The following DNM2 variants were observed in gnomAD, a reference collection of about 807,000 sequenced individuals.
The protein encoded by DNM2 is dynamin-2.
DNM2 carries 15 observed loss-of-function variants against 99.0 expected under a neutral mutation model. The ratio of observed to expected loss-of-function variants is 0.15; its 90% CI spans 0.10 to 0.23. DNM2 has a LOEUF of 0.23. Among genes scored for constraint, DNM2 ranks in the 10% least tolerant of loss-of-function variants. The pLI, the probability that DNM2 is intolerant of heterozygous loss-of-function variation, is 1.00. For missense variants in DNM2, 742 were observed against 1,189.4 expected (o/e 0.62, Z 5.53); for synonymous variants, 525 against 481.2 (o/e 1.09, Z -1.19).
chr19:10,718,567 A>G, intron 1 of DNM2, 164 bp downstream of exon 1: 1 of 1,061,204 alleles, frequency 9.4e-7, no homozygotes, highest in Non-Finnish European at 1.2e-6. Flanking sequence ...CGCCCTGGGC[A>G]GAGGACTCCC....
intron 7 of DNM2, among the ~76,000 whole-genome samples, chr19:10,792,287 C>G (rs982973508): frequency 3.9e-5 from 6 of 152,232 alleles, no homozygotes; most frequent in East Asian, 1.9e-4. Context: ...GGCAGCCCAG[C>G]CTTGGTGGCC....
rs191881291 is a variant in DNM2, at chr19:10,814,650, C to G, written c.1671+2273C>G. Among the ~76,000 whole-genome samples, 22 of 152,310 alleles carry G rather than the reference C, an allele frequency of 1.4e-4. No homozygotes were observed. The East Asian group carries it at 4.0e-3, about 28-fold the overall frequency. On this transcript the variant is annotated intron_variant, in intron 15 of 20. Transcript: ENST00000389253. ...AGCCTCTAGTATTTATCCTTCTACT[C>G]TCCACCTCTGTGAGATCCGCTCTTC...
chr19:10,771,037 C>T (rs929286841), intron 2 of DNM2, among the ~76,000 whole-genome samples: 37 of 152,230 alleles, frequency 2.4e-4, no homozygotes, highest in African/African-American at 8.0e-4. Context: ...AAGTGATCCA[C>T]CCTCCTCGGC....
intron 1 of DNM2, among the ~76,000 whole-genome samples, chr19:10,741,390 G>A (rs1287467838): frequency 2.0e-5 from 3 of 150,536 alleles, no homozygotes; most frequent in Non-Finnish European, 3.0e-5. Context: ...TGCCACACCC[G>A]ACTAATTTTT....
chr19:10,779,498 C>CTTTTTTTTT (rs1227116160), intron 5 of DNM2, among the ~76,000 whole-genome samples: 4 of 54,460 alleles, frequency 7.3e-5, no homozygotes, highest in African/African-American at 1.5e-4. Context: ...TTCTTTCTTT[C>CTTTTTTTTT]TTTCTTTTTT....
chr19:10,825,052 T>G lies in DNM2; in HGVS notation c.1894-5T>G. On this transcript the variant is annotated splice_region_variant and splice_polypyrimidine_tract_variant and intron_variant, in intron 17 of 20. Transcript: ENST00000389253. ...ACCCCTCAGCACCTCCCCTCCCGCT[T>G]GCAGGCAGAAAACGAGGATGGGGCC... 1 of 1,614,010 alleles carries G rather than the reference T, an allele frequency of 6.2e-7. No homozygotes were observed. Among genetic ancestry groups the G allele is most frequent in the Non-Finnish European group, 8.5e-7 (1 of 1,179,968 alleles).
intron 1 of DNM2, among the ~76,000 whole-genome samples, chr19:10,721,556 G>C (rs544659848): frequency 6.6e-6 from 1 of 152,246 alleles, no homozygotes; most frequent in African/African-American, 2.4e-5. Context: ...TTTTGGGGGG[G>C]TGTAAGAGAT....
rs906860610 is a variant in DNM2 at position 10,775,061 on chromosome 19, G to A, written c.386-642G>A. ...GCTGGGATGACAGGCATGAGTCACC[G>A]CGCCTGGCCTCATCCATTTGTCTTT... On this transcript the variant is annotated intron_variant, in intron 3 of 20. Transcript: ENST00000389253. This position sits in a 1 kb window ranked among gnomAD's most constrained non-coding sequence, Gnocchi z 4.3. Among the ~76,000 whole-genome samples, 2 of 151,776 alleles carry A rather than the reference G, an allele frequency of 1.3e-5. No individual in the cohort carries two copies. Among genetic ancestry groups the A allele is most frequent in the Non-Finnish European group, 1.5e-5 (1 of 67,962 alleles).
chr19:10,822,622 C>T (rs1190705375), intron 16 of DNM2, among the ~76,000 whole-genome samples: 1 of 152,084 alleles, frequency 6.6e-6, no homozygotes, highest in Admixed American at 6.5e-5. Context: ...CCTCAGCCTC[C>T]CGAGTAGCTG....
rs2070723046 is a variant in DNM2, at chr19:10,764,168, C to G, written c.235+4357C>G. The stretch of plus-strand genomic sequence containing the variant: ...TGGCTCTCTGTGACCAAACTCAGAA[C>G]CAGGCTGCCACCCTTTACTGGCCCG... On this transcript the variant is annotated intron_variant, in intron 2 of 20. Transcript: ENST00000389253. This position sits in a 1 kb window ranked among gnomAD's most constrained non-coding sequence, Gnocchi z 4.1. Among the ~76,000 whole-genome samples the G allele has an allele frequency of 6.6e-6, 1 of 152,150 alleles. No individual in the cohort carries two copies. The highest frequency in any genetic ancestry group is 2.4e-5 in the African/African-American group (1 of 41,428).
rs1042593245 is a variant in DNM2, at chr19:10,764,009, G to A, written c.235+4198G>A. Among the ~76,000 whole-genome samples, 1 of 152,160 alleles carries A rather than the reference G, an allele frequency of 6.6e-6. No homozygotes were observed. The highest frequency in any genetic ancestry group is 2.4e-5 in the African/African-American group (1 of 41,428). ...AAGCAGCATAGGCACCCTTGCTGGG[G>A]GAGGTGGGTGGGAGGTAGGACGCCT... On this transcript the variant is annotated intron_variant, in intron 2 of 20. Coordinates refer to ENST00000389253, the MANE Select transcript of DNM2 (RefSeq NM_001005361.3). The surrounding 1 kb of genome is among the most constrained non-coding windows in gnomAD (Gnocchi z 4.1).
rs931375455 is a variant in DNM2 at position 10,772,289 on chromosome 19, G to A, written c.236-190G>A. On this transcript the variant is annotated intron_variant, in intron 2 of 20. Transcript: ENST00000389253. This position sits in a 1 kb window ranked among gnomAD's most constrained non-coding sequence, Gnocchi z 4.9. ...AGAGACAGGGTTTCACCATGTTAGT[G>A]AGGATGGTCTGAATCTCCTGACCTT... 6.6e-6 allele frequency among the ~76,000 whole-genome samples: 1 copy of A among 151,934 alleles called. No homozygotes were observed. The highest frequency in any genetic ancestry group is 2.4e-5 in the African/African-American group (1 of 41,354).
At position 10,773,178 on chromosome 19, in the gene DNM2, C is replaced by T. The variant is rs1280270224; in HGVS notation, c.385+550C>T. ...TTTTTTTTTTTTTGAGATGGAGTCT[C>T]GCTCTGTCGCCCAGACTGGAGTACA... is the stretch of plus-strand genomic sequence containing the variant. On this transcript the variant is annotated intron_variant, in intron 3 of 20. Transcript: ENST00000389253. Among the ~76,000 whole-genome samples, 30 of 143,170 alleles carry T rather than the reference C, an allele frequency of 2.1e-4. No homozygotes were observed. The South Asian group carries it at 2.2e-3, about 11-fold the overall frequency. The allele number at this position is 143,170 out of a possible 152,430, so 93.9% of individuals were successfully genotyped here.
At chr19:10,744,571 G>T (rs1018014384) in intron 1 of DNM2, among the ~76,000 whole-genome samples, 1 of 152,136 alleles carries the variant, frequency 6.6e-6, no homozygotes, top group Non-Finnish European at 1.5e-5. Context: ...CAGACTGTGG[G>T]TGGTGCCCGG....
At chr19:10,800,299 T>A (rs2072091205) in intron 11 of DNM2, among the ~76,000 whole-genome samples, 1 of 151,384 alleles carries the variant, frequency 6.6e-6, no homozygotes, top group East Asian at 2.0e-4. Context: ...GGGGATGAAA[T>A]GGGCTCATTT....
Position 10,831,041 on chromosome 19 carries a change from C to A in DNM2, c.2607C>A (p.Leu869=), listed in dbSNP as rs144472798. The change falls in exon 21 of 21, where the codon CTC becomes CTA. Residue 869 remains leucine, a synonymous_variant. Transcript: ENST00000389253. This position sits in a 1 kb window ranked among gnomAD's most constrained non-coding sequence, Gnocchi z 4.3. ...TCCGCCCAGCCGAGCCATCCCTGCTCGACTAGGCCTCGAGGGGGGCGTGCT... is the reference window on the plus strand; with the variant it reads ...TCCGCCCAGCCGAGCCATCCCTGCTAGACTAGGCCTCGAGGGGGGCGTGCT... ...TIIRPAEPSL[L]D The A allele has an allele frequency of 4.4e-5, 71 of 1,607,234 alleles. No homozygotes were observed. Among genetic ancestry groups the A allele is most frequent in the Non-Finnish European group, 5.9e-5 (69 of 1,176,878 alleles).
intron 1 of DNM2, among the ~76,000 whole-genome samples, chr19:10,753,504 A>T (rs1209199364): frequency 6.8e-6 from 1 of 146,028 alleles, no homozygotes; most frequent in Non-Finnish European, 1.5e-5. Context: ...ATCACTACAA[A>T]CCTTTTCTTT....
rs2146134291 is a variant in DNM2, at chr19:10,816,547, G to A, written c.1672-3433G>A. On this transcript the variant is annotated intron_variant, in intron 15 of 20. Transcript: ENST00000389253. The surrounding 1 kb of genome is among the most constrained non-coding windows in gnomAD (Gnocchi z 4.6). ...CTCTAGGAACTCACGTGTCCAGATC[G>A]GATGGCTCCTCAAAATGGCTGGGGT... is the stretch of plus-strand genomic sequence containing the variant. Among the ~76,000 whole-genome samples, 1 of 152,262 alleles carries A rather than the reference G, an allele frequency of 6.6e-6. No individual in the cohort carries two copies. The highest frequency in any genetic ancestry group is 1.9e-4 in the East Asian group (1 of 5,172).
intron 1 of DNM2, among the ~76,000 whole-genome samples, chr19:10,748,886 A>T (rs772188252): frequency 1.3e-4 from 20 of 152,158 alleles, no homozygotes; most frequent in Non-Finnish European, 2.8e-4. Context: ...CTCTTATCAG[A>T]GTCCTGAGAG....
Sources: allele counts gnomAD v4.1 joint callset (sites outside exome capture counted in the v4.1 genomes callset), GRCh38; gene constraint gnomAD v4.1.1; non-coding constraint Gnocchi (gnomAD v3.1); transcripts MANE v1.5; gene names NCBI Gene and HGNC (gene_info 2026-07-23, HGNC 2026-07-21).